PTPRK: variants seen among roughly 807,000 people sequenced by gnomAD.
The protein encoded by PTPRK is protein tyrosine phosphatase receptor type K, also known as receptor-type tyrosine-protein phosphatase kappa.
Under a neutral mutation model 178.0 loss-of-function variants are expected in PTPRK, and 75 were observed. That is an observed-to-expected ratio of 0.42 (90% CI 0.35 to 0.51). The LOEUF (loss-of-function observed/expected upper bound fraction) is 0.51, where lower values mean the gene tolerates loss of function less well. Among genes scored for constraint, PTPRK ranks in the 20% least tolerant of loss-of-function variants. The pLI is 0.02. For missense variants in PTPRK, 1,441 were observed against 1,797.8 expected (o/e 0.80, Z 3.59); for synonymous variants, 637 against 620.6 (o/e 1.03, Z -0.39).
At chr6:128,393,120 C>G (rs1839835852) in intron 2 of PTPRK, among the ~76,000 whole-genome samples, 1 of 136,800 alleles carries the variant, frequency 7.3e-6, no homozygotes, top group African/African-American at 2.8e-5. Context: ...AAGACAGAGT[C>G]TCACTCTGTT....
chr6:128,308,763 T>C (rs17055604), intron 3 of PTPRK, among the ~76,000 whole-genome samples: 13,817 of 152,234 alleles, frequency 0.091, 769 homozygotes, highest in African/African-American at 0.15. Context: ...ATGAAGAACA[T>C]ATGTCCAGAA....
At chr6:127,981,034 CGAAAA>C (rs1210109047) in intron 25 of PTPRK, 77 bp downstream of exon 25, 22 of 1,286,980 alleles carry the variant, frequency 1.7e-5, no homozygotes, top group Non-Finnish European at 2.3e-5. Flanking sequence ...TTAATTTCCT[CGAAAA>C]GAAAACTAGC....
chr6:128,442,123 C>T (rs1361229135), intron 1 of PTPRK, among the ~76,000 whole-genome samples: 1 of 152,126 alleles, frequency 6.6e-6, no homozygotes, highest in East Asian at 1.9e-4. Context: ...ATGTTCTTTA[C>T]AAAATTCTGA....
rs534954988 is a variant in PTPRK, at chr6:128,226,542, A to G, written c.694-7446T>C. The stretch of plus-strand genomic sequence containing the variant: ...ATTGAATCAGTTGAAAGGCTTTAAG[A>G]CCAGGGGTGAGGCTTCTCCGAAGTA... On this transcript the variant is annotated intron_variant, in intron 5 of 29. Transcript: ENST00000368226. 2.0e-5 allele frequency among the ~76,000 whole-genome samples: 3 copies of G among 152,010 alleles called. No individual in the cohort carries two copies. In the South Asian group the frequency reaches 6.2e-4, roughly 32 times the overall value.
intron 6 of PTPRK, among the ~76,000 whole-genome samples, chr6:128,206,867 A>C (rs565248192): frequency 4.3e-4 from 65 of 152,298 alleles, no homozygotes; most frequent in African/African-American, 1.5e-3. Context: ...AGACACATGG[A>C]AAGTGATTTC....
chr6:128,010,244 T>C (rs776954001), intron 13 of PTPRK, among the ~76,000 whole-genome samples: 17 of 151,266 alleles, frequency 1.1e-4, no homozygotes, highest in Admixed American at 4.6e-4. Context: ...CTGCTAAAAA[T>C]TGGTGTAACA....
chr6:128,220,718 T>C (rs1167786133), intron 5 of PTPRK, among the ~76,000 whole-genome samples: 44 of 152,320 alleles, frequency 2.9e-4, no homozygotes, highest in Admixed American at 2.9e-3. Context: ...CTCTAAATTA[T>C]CTGTGATTGT....
chr6:128,408,213 C>T (rs542918965), intron 1 of PTPRK, among the ~76,000 whole-genome samples: 4 of 152,222 alleles, frequency 2.6e-5, no homozygotes, highest in African/African-American at 9.6e-5. Flanking sequence ...CATGGTGAAA[C>T]CCCATCTCTA....
intron 2 of PTPRK, among the ~76,000 whole-genome samples, chr6:128,368,329 T>C (rs956741266): frequency 4.0e-5 from 6 of 151,692 alleles, no homozygotes; most frequent in African/African-American, 1.2e-4. Context: ...AATCCATTCA[T>C]GTAAGAGGAA....
At chr6:128,238,010 A>G in intron 5 of PTPRK, 1 of 448,242 alleles carries the variant, frequency 2.2e-6, no homozygotes, top group South Asian at 1.6e-5. Context: ...TATTTCTTGT[A>G]GATGGGGAAG....
At chr6:128,010,353 T>A (rs536250133) in intron 13 of PTPRK, among the ~76,000 whole-genome samples, 1 of 151,398 alleles carries the variant, frequency 6.6e-6, no homozygotes, top group Admixed American at 6.6e-5. Context: ...GGTGTCCACA[T>A]GAACAGATAC....
chr6:128,421,177 T>A (rs1278202334), intron 1 of PTPRK, among the ~76,000 whole-genome samples: 1 of 152,196 alleles, frequency 6.6e-6, no homozygotes, highest in Non-Finnish European at 1.5e-5. Flanking sequence ...GTACATCAAC[T>A]GGTAAAGAAA....
At chr6:128,397,359 C>G (rs1562437605) in intron 2 of PTPRK, among the ~76,000 whole-genome samples, 2 of 146,680 alleles carry the variant, frequency 1.4e-5, no homozygotes, top group Admixed American at 1.4e-4. Context: ...TAATACTTAT[C>G]TTTTTTTTTT....
chr6:128,025,390 G>A (rs1774135463), intron 13 of PTPRK, among the ~76,000 whole-genome samples: 1 of 152,100 alleles, frequency 6.6e-6, no homozygotes, highest in Non-Finnish European at 1.5e-5. Context: ...ACCTTATAGA[G>A]GAAGAATAAG....
intron 2 of PTPRK, among the ~76,000 whole-genome samples, chr6:128,332,272 C>A (rs1437300377): frequency 6.6e-6 from 1 of 152,150 alleles, no homozygotes; most frequent in Non-Finnish European, 1.5e-5. Context: ...AGGATTAGTG[C>A]CATCTGTTTC....
intron 11 of PTPRK, 113 bp from the exon 12 acceptor site, chr6:128,067,905 TTTAAAG>T (rs1782111640): frequency 1.9e-6 from 2 of 1,046,186 alleles, no homozygotes; most frequent in Non-Finnish European, 2.6e-6. Context: ...TTTCAAAGTA[TTTAAAG>T]TTAGTCTTAA....
intron 7 of PTPRK, among the ~76,000 whole-genome samples, chr6:128,144,353 G>C (rs1024996488): frequency 3.3e-5 from 5 of 152,126 alleles, no homozygotes; most frequent in African/African-American, 1.2e-4. Flanking sequence ...TTTAAATCTT[G>C]TTGTATATTT....
At chr6:128,304,783 A>T (rs928473421) in intron 3 of PTPRK, among the ~76,000 whole-genome samples, 6 of 152,236 alleles carry the variant, frequency 3.9e-5, no homozygotes, top group Admixed American at 1.3e-4. Context: ...CAATCAGCAC[A>T]TGCTCCCTAG....
At chr6:128,239,012 T>C (rs1813864905) in intron 5 of PTPRK, among the ~76,000 whole-genome samples, 1 of 152,086 alleles carries the variant, frequency 6.6e-6, no homozygotes, top group Non-Finnish European at 1.5e-5. Flanking sequence ...ATTATAACCT[T>C]TATTACAACC....
Sources: allele counts gnomAD v4.1 joint callset (sites outside exome capture counted in the v4.1 genomes callset), GRCh38; gene constraint gnomAD v4.1.1; transcripts MANE v1.5; gene names NCBI Gene and HGNC (gene_info 2026-07-23, HGNC 2026-07-21).